Variants in POLB observed in about 807,000 individuals in gnomAD.
The protein encoded by POLB is DNA polymerase beta.
A neutral mutation model predicts 52.7 loss-of-function variants in POLB; 37 were observed. That is an observed-to-expected ratio of 0.70 (90% CI 0.54 to 0.92). The LOEUF (loss-of-function observed/expected upper bound fraction) is 0.92. Among genes scored for constraint, POLB ranks in the 40% least tolerant of loss-of-function variants. The pLI is 0.00. For synonymous variants in POLB, 138 were observed against 131.3 expected, an observed-to-expected ratio of 1.05 and a Z score of -0.35; for missense variants, 313 against 400.8, an observed-to-expected ratio of 0.78 and a Z score of 1.87.
chr8:42,339,145 G>A (rs1033864985), intron 2 of POLB, 76 bp downstream of exon 2: 1 of 1,099,848 alleles, frequency 9.1e-7, no homozygotes, highest in African/African-American at 1.5e-5. Context: ...CAGGACTGAG[G>A]GCCCAGTGGA....
chr8:42,369,708 C>G (rs369328649), intron 12 of POLB, 141 bp from the exon 13 acceptor site: 1 of 579,234 alleles, frequency 1.7e-6, no homozygotes, highest in Non-Finnish European at 3.0e-6. Context: ...AGCAGTCTAC[C>G]TCATGATAGT....
chr8:42,350,207 T>A (rs1434273383), intron 5 of POLB, 142 bp downstream of exon 5: 25 of 678,328 alleles, frequency 3.7e-5, no homozygotes, highest in Non-Finnish European at 6.2e-5. Context: ...CCATAGCTTA[T>A]GATCTGAGGC....
At chr8:42,344,820 CAAAA>C (rs371763819) in intron 2 of POLB, 129 bp from the exon 3 acceptor site, 3 of 607,078 alleles carry the variant, frequency 4.9e-6, no homozygotes, top group Non-Finnish European at 8.6e-6. Flanking sequence ...TCAAAAAAAA[CAAAA>C]AAAAAGAAAA....
intron 10 of POLB, among the ~76,000 whole-genome samples, 188 bp from the exon 11 acceptor site, chr8:42,362,424 G>A (rs183885768): frequency 6.6e-6 from 1 of 152,028 alleles, no homozygotes; most frequent in East Asian, 1.9e-4. Context: ...TACTCTGGAT[G>A]CTGAGGTGGG....
chr8:42,343,341 A>AT (rs1822348819), intron 2 of POLB, among the ~76,000 whole-genome samples: 8 of 38,776 alleles, frequency 2.1e-4, no homozygotes, highest in Non-Finnish European at 8.6e-4. Flanking sequence ...AAAAAAAAAA[A>AT]AAAAATATAT....
intron 2 of POLB, chr8:42,341,699 C>A: frequency 3.5e-6 from 1 of 285,374 alleles, no homozygotes. Context: ...GCAGTGGGAA[C>A]AATTTTTTTT....
At chr8:42,371,036 C>G (rs1824354367) in intron 13 of POLB, among the ~76,000 whole-genome samples, 1 of 152,186 alleles carries the variant, frequency 6.6e-6, no homozygotes, top group Non-Finnish European at 1.5e-5. Context: ...TTGAGTGGCC[C>G]TAGCTGGGAT....
chr8:42,348,953 T>C (rs1212198369), intron 3 of POLB, 63 bp from the exon 4 acceptor site: 3 of 878,900 alleles, frequency 3.4e-6, no homozygotes, highest in South Asian at 1.6e-5. Flanking sequence ...TTTTACTTTA[T>C]CTTTTAGTGA....
In POLB at chr8:42,361,359, C is replaced by T. The variant is rs746545881; in HGVS notation, c.615C>T (p.Thr205=). The change falls in exon 10 of 14, where the codon ACC becomes ACT. Residue 205 remains threonine (T), a synonymous_variant. Coordinates refer to ENST00000265421, the MANE Select transcript of POLB (RefSeq NM_002690.3). The stretch of plus-strand genomic sequence containing the variant: ...ATCCCAGCTTCACTTCAGAATCAAC[C>T]AAACAGGTGCCTCAGAGTTTATAAT... ...LTHPSFTSES[T]KQPKLLHQVV... 7 of 1,601,226 alleles carry T rather than the reference C, an allele frequency of 4.4e-6. No homozygotes were observed. In the East Asian group the frequency reaches 1.3e-4, roughly 31 times the overall value.
rs1210217195 is a variant in POLB, at chr8:42,338,503, C to T, written c.-122C>T. ...CCCATCGGGGGCAACCATTGTTCCG[C>T]CGGTCGCGCCGGAGCTGGGTTGCTC... On this transcript the variant is annotated 5_prime_UTR_variant, in exon 1 of 14. Coordinates refer to ENST00000265421, the MANE Select transcript of POLB (RefSeq NM_002690.3). 2 of 835,810 alleles carry T rather than the reference C, an allele frequency of 2.4e-6. No homozygotes were observed. Among genetic ancestry groups the T allele is most frequent in the Non-Finnish European group, 4.1e-6 (2 of 492,632 alleles). The allele number at this position is 835,810 out of a possible 1,614,324, so 51.8% of individuals were successfully genotyped here. A position where few individuals can be genotyped will look rare whatever the true frequency, so the allele number is the denominator to read the frequency against.
intron 7 of POLB, among the ~76,000 whole-genome samples, chr8:42,356,885 CTT>C: frequency 6.6e-6 from 1 of 152,288 alleles, no homozygotes; most frequent in African/African-American, 2.4e-5. Context: ...TTTATTTACT[CTT>C]GTTACATGAA....
chr8:42,357,502 C>G, intron 9 of POLB, 110 bp downstream of exon 9: 1 of 663,884 alleles, frequency 1.5e-6, no homozygotes, highest in Non-Finnish European at 2.7e-6. Flanking sequence ...CATAGACTCA[C>G]TAAGACCTAG....
intron 9 of POLB, among the ~76,000 whole-genome samples, chr8:42,359,380 G>T (rs1056865871): frequency 2.6e-5 from 4 of 151,342 alleles, no homozygotes; most frequent in African/African-American, 7.3e-5. Context: ...TTTGAGATAG[G>T]GTCCCTCTCT....
At chr8:42,343,596 A>G (rs1452838899) in intron 2 of POLB, among the ~76,000 whole-genome samples, 1 of 140,292 alleles carries the variant, frequency 7.1e-6, no homozygotes, top group Non-Finnish European at 1.6e-5. Context: ...TGAGGAAGTT[A>G]TGAACAATTT....
At chr8:42,348,245 A>G (rs1295069912) in intron 3 of POLB, among the ~76,000 whole-genome samples, 1 of 152,206 alleles carries the variant, frequency 6.6e-6, no homozygotes, top group Non-Finnish European at 1.5e-5. Flanking sequence ...CCTGTATGCC[A>G]GTCACTAGGG....
At chr8:42,342,456 G>A in intron 2 of POLB, 1 of 1,245,956 alleles carries the variant, frequency 8.0e-7, no homozygotes, top group Non-Finnish European at 1.2e-6. Flanking sequence ...TCTGACAATT[G>A]ATATCTCTGT....
chr8:42,349,634 C>T lies in POLB; in HGVS notation c.262-373C>T, dbSNP rs745755207. 2.0e-5 allele frequency among the ~76,000 whole-genome samples: 3 copies of T among 152,250 alleles called. No individual in the cohort carries two copies. In the South Asian group the frequency reaches 6.2e-4, roughly 32 times the overall value. On this transcript the variant is annotated intron_variant, in intron 4 of 13. Coordinates refer to ENST00000265421, the MANE Select transcript of POLB (RefSeq NM_002690.3). ...CGATCTCCTGACCTCGTGATCTGCCCGCCTCGGCCTCCCAAAGTGCTGGGA... is the reference window on the plus strand; with the variant it reads ...CGATCTCCTGACCTCGTGATCTGCCTGCCTCGGCCTCCCAAAGTGCTGGGA...
In POLB at chr8:42,371,653, A is replaced by T; in HGVS notation, c.1004A>T (p.Glu335Val). 1 of 1,595,362 alleles carries T rather than the reference A, an allele frequency of 6.3e-7. No individual in the cohort carries two copies. The highest frequency in any genetic ancestry group is 8.6e-7 in the Non-Finnish European group (1 of 1,163,044). The change falls in exon 14 of 14, where the codon GAA (glutamate) becomes GTA (valine). Residue 335 changes from glutamate (E) to valine (V), a missense_variant. This residue lies in a region of POLB where 246 missense variants were observed against 297.6 expected (regional missense o/e 0.83). Transcript: ENST00000265421. ...TACCGGGAACCCAAGGACCGGAGCG[A>T]ATGAGGCCTGTATCCTCCCTGGCAG... Reference protein sequence around the residue: ...WKYREPKDRSE With the variant: ...WKYREPKDRSV
At chr8:42,349,350 C>G (rs1822824758) in intron 4 of POLB, 1 of 287,456 alleles carries the variant, frequency 3.5e-6, no homozygotes, top group Admixed American at 5.1e-5. Context: ...AGATTATAAA[C>G]TTTGACTGAA....
Sources: allele counts gnomAD v4.1 joint callset (sites outside exome capture counted in the v4.1 genomes callset), GRCh38; gene constraint gnomAD v4.1.1; regional missense constraint gnomAD v4.1.1; transcripts MANE v1.5; gene names NCBI Gene and HGNC (gene_info 2026-07-23, HGNC 2026-07-21).